TTC34: variants seen among roughly 807,000 people sequenced by gnomAD.
TTC34 encodes tetratricopeptide repeat protein 34.
In TTC34, 44 loss-of-function variants were observed where a neutral mutation model predicts 40.7. That is an observed-to-expected ratio of 1.08 (90% confidence interval 0.85 to 1.39). The LOEUF is 1.39. Ranked by LOEUF, TTC34 falls within the 40% of genes most tolerant of loss-of-function variation. The pLI, the probability that TTC34 is intolerant of heterozygous loss-of-function variation, is 0.00. For missense variants in TTC34, 884 were observed against 838.0 expected, an observed-to-expected ratio of 1.05 and a Z score of -0.68; for synonymous variants, 422 against 398.6, an observed-to-expected ratio of 1.06 and a Z score of -0.70.
At chr1:2,754,808 A>G (rs1641450581) in intron 6 of TTC34, among the ~76,000 whole-genome samples, 3 of 151,910 alleles carry the variant, frequency 2.0e-5, no homozygotes, top group African/African-American at 4.9e-5. Context: ...AGCCTGGAAC[A>G]GAAACCACAC....
intron 6 of TTC34, among the ~76,000 whole-genome samples, chr1:2,673,367 C>G (rs1163028883): frequency 1.4e-5 from 1 of 69,280 alleles, no homozygotes; most frequent in East Asian, 3.3e-4. Flanking sequence ...CACAGGCGAG[C>G]ATCTGAGGGC....
chr1:2,795,049 A>C (rs1643698651), intron 2 of TTC34, among the ~76,000 whole-genome samples: 1 of 151,840 alleles, frequency 6.6e-6, no homozygotes, highest in East Asian at 1.9e-4. Context: ...TTAAAACAAC[A>C]ATCAAGCCTG....
At chr1:2,782,215 T>C (rs1274139936) in intron 6 of TTC34, among the ~76,000 whole-genome samples, 1 of 152,246 alleles carries the variant, frequency 6.6e-6, no homozygotes, top group Non-Finnish European at 1.5e-5. Context: ...TATTTCTTCA[T>C]GATTTAGTCT....
At chr1:2,756,939 A>AC (rs2100449428) in intron 6 of TTC34, among the ~76,000 whole-genome samples, 1 of 152,002 alleles carries the variant, frequency 6.6e-6, no homozygotes, top group African/African-American at 2.4e-5. Context: ...CTGGAACAGA[A>AC]CCCACACCCC....
At chr1:2,779,975 G>A (rs538423859) in intron 6 of TTC34, among the ~76,000 whole-genome samples, 30 of 152,222 alleles carry the variant, frequency 2.0e-4, no homozygotes, top group African/African-American at 6.5e-4. Context: ...TTAGCCAGGC[G>A]TGGGGTCGCC....
At chr1:2,637,240 A>G (rs1044245488) in exon 9 of TTC34, 1 of 152,220 alleles carries the variant, frequency 6.6e-6, no homozygotes, top group Non-Finnish European at 1.5e-5. Flanking sequence ...AGGTACATGT[A>G]AAATAGGTGA....
chr1:2,671,829 AC>A, intron 6 of TTC34, among the ~76,000 whole-genome samples: 1 of 152,266 alleles, frequency 6.6e-6, no homozygotes, highest in Non-Finnish European at 1.5e-5. Context: ...CAGCACCAGT[AC>A]CCCCAGGCGA....
chr1:2,648,088 C>T (rs1220952779), intron 6 of TTC34, among the ~76,000 whole-genome samples: 1 of 151,818 alleles, frequency 6.6e-6, no homozygotes. Context: ...ATGTTTATGT[C>T]ACTGCTTTTA....
At chr1:2,764,158 G>A (rs1177721222) in intron 6 of TTC34, among the ~76,000 whole-genome samples, 2 of 146,708 alleles carry the variant, frequency 1.4e-5, no homozygotes, top group Non-Finnish European at 3.0e-5. Flanking sequence ...GTGAGAATCT[G>A]ACGCATAAAA....
chr1:2,800,151 C>T, exon 2 of TTC34: 3 of 398,586 alleles, frequency 7.5e-6, no homozygotes. Context: ...CAGGGTGTCA[C>T]TCCGGGTGCC....
intron 6 of TTC34, among the ~76,000 whole-genome samples, chr1:2,652,127 C>A (rs796104852): frequency 0.37 from 113 of 306 alleles, 23 homozygotes; most frequent in Admixed American, 0.57. Flanking sequence ...CCCTGCACCC[C>A]CAGGTGAGCA....
At chr1:2,644,598 T>C in intron 7 of TTC34, 120 bp from the exon 8 acceptor site, 1 of 1,062,790 alleles carries the variant, frequency 9.4e-7, no homozygotes, top group Non-Finnish European at 1.3e-6. Context: ...TGATGATGGC[T>C]CAGCCCAGGA....
intron 6 of TTC34, among the ~76,000 whole-genome samples, chr1:2,674,821 G>C (rs796733051): frequency 1.2e-5 from 1 of 84,332 alleles, no homozygotes. Flanking sequence ...GCATCTGATT[G>C]TCTGGAGCAG....
At chr1:2,644,200 G>C (rs987309160) in intron 8 of TTC34, 64 bp downstream of exon 8, 101 of 1,449,110 alleles carry the variant, frequency 7.0e-5, no homozygotes, top group African/African-American at 6.5e-4. Flanking sequence ...TGGTGGGCCC[G>C]GGGGTCTCAT....
At chr1:2,684,311 C>T (rs577870516) in intron 6 of TTC34, among the ~76,000 whole-genome samples, 1 of 136,996 alleles carries the variant, frequency 7.3e-6, no homozygotes, top group Non-Finnish European at 1.6e-5. Flanking sequence ...GGTCGGCACC[C>T]ACACCCCCAA....
intron 6 of TTC34, among the ~76,000 whole-genome samples, chr1:2,683,256 C>A (rs868174734): frequency 4.1e-5 from 1 of 24,402 alleles, no homozygotes. Flanking sequence ...TGATGGTTTG[C>A]AGCAGCACCC....
At chr1:2,677,741 A>G (rs61761456) in intron 6 of TTC34, among the ~76,000 whole-genome samples, 1 of 118,068 alleles carries the variant, frequency 8.5e-6, no homozygotes, top group Non-Finnish European at 1.8e-5. Flanking sequence ...CCCCCAGGTG[A>G]GCATCTGACA....
intron 6 of TTC34, among the ~76,000 whole-genome samples, chr1:2,683,258 G>A (rs1439063394): frequency 5.1e-5 from 7 of 138,534 alleles, no homozygotes; most frequent in African/African-American, 5.3e-5. Flanking sequence ...ATGGTTTGCA[G>A]CAGCACCCAC....
Position 2,675,252 on chromosome 1 carries a change from A to C in TTC34, c.2227-29689T>G, listed in dbSNP as rs1263340584. 3.8e-5 allele frequency among the ~76,000 whole-genome samples: 5 copies of C among 131,080 alleles called. No individual in the cohort carries two copies. In the South Asian group the frequency reaches 7.5e-4, roughly 20 times the overall value. The allele number at this position is 131,080 out of a possible 152,430, so 86.0% of individuals were successfully genotyped here. On this transcript the variant is annotated intron_variant, in intron 6 of 8. Transcript: ENST00000401095. ...AACAGCACCCACAACCCCAGGTGAG[A>C]ATCTGACAGCCTGGAAGAGCACCCC...
Sources: gnomAD v4.1 joint callset for allele counts (sites outside exome capture counted in the v4.1 genomes callset) on GRCh38, gnomAD v4.1.1 for gene constraint, MANE v1.5 for transcripts, NCBI Gene and HGNC (gene_info 2026-07-23, HGNC 2026-07-21) for gene names.